PTCHD4: variants seen among roughly 807,000 people sequenced by gnomAD.
PTCHD4 encodes the protein patched domain containing 4.
PTCHD4 carries 33 observed loss-of-function variants against 58.1 expected under a neutral mutation model. That is an observed-to-expected ratio of 0.57 (90% confidence interval 0.43 to 0.76). The LOEUF is 0.76. PTCHD4 is among the 30% of genes least tolerant of loss of function. The pLI is 0.00. For synonymous variants in PTCHD4, 478 were observed against 409.6 expected, an observed-to-expected ratio of 1.17 and a Z score of -2.02; for missense variants, 1,058 against 1,027.1, an observed-to-expected ratio of 1.03 and a Z score of -0.41.
At chr6:47,898,099 C>T (rs988664796) in intron 4 of PTCHD4, among the ~76,000 whole-genome samples, 2 of 151,692 alleles carry the variant, frequency 1.3e-5, no homozygotes, top group Admixed American at 6.6e-5. Flanking sequence ...CGTGTGCCAC[C>T]ACACCCGGCT....
intron 3 of PTCHD4, among the ~76,000 whole-genome samples, chr6:48,031,908 G>A (rs1017777510): frequency 2.6e-5 from 4 of 152,056 alleles, no homozygotes; most frequent in Admixed American, 1.3e-4. Context: ...GTTTTCAGTC[G>A]GAATATGTTT....
chr6:48,078,443 A>G (rs1009144251), intron 1 of PTCHD4, among the ~76,000 whole-genome samples: 1 of 152,226 alleles, frequency 6.6e-6, no homozygotes, highest in African/African-American at 2.4e-5. Context: ...AAATTATAGT[A>G]TGGTGCAGAG....
intron 1 of PTCHD4, among the ~76,000 whole-genome samples, chr6:48,102,398 G>A (rs1309200379): frequency 6.6e-6 from 1 of 152,138 alleles, no homozygotes; most frequent in Non-Finnish European, 1.5e-5. Context: ...TAGTGTTCTC[G>A]AGTTTCAGCC....
chr6:48,001,253 C>G (rs1007727965), intron 4 of PTCHD4, among the ~76,000 whole-genome samples: 1 of 152,186 alleles, frequency 6.6e-6, no homozygotes, highest in Non-Finnish European at 1.5e-5. Context: ...TTGGAGAAAA[C>G]TACTTTAAAG....
intron 4 of PTCHD4, among the ~76,000 whole-genome samples, chr6:47,929,923 C>T (rs1408613734): frequency 6.6e-6 from 1 of 152,346 alleles, no homozygotes; most frequent in African/African-American, 2.4e-5. Flanking sequence ...GAAGCAGTGA[C>T]ACCTGCTCTT....
At chr6:48,013,562 G>A (rs1363624556) in intron 3 of PTCHD4, among the ~76,000 whole-genome samples, 2 of 151,704 alleles carry the variant, frequency 1.3e-5, no homozygotes, top group African/African-American at 2.4e-5. Context: ...AAGGAGGCGG[G>A]GATCTCATCC....
chr6:47,880,243 T>TTTCCCCTGAAC (rs1215954306), intron 4 of PTCHD4, among the ~76,000 whole-genome samples: 1 of 152,190 alleles, frequency 6.6e-6, no homozygotes, highest in Non-Finnish European at 1.5e-5. Flanking sequence ...TGAACACATA[T>TTTCCCCTGAAC]TGTCTTCCTA....
At chr6:48,072,014 T>C (rs1046863204) in intron 1 of PTCHD4, among the ~76,000 whole-genome samples, 1 of 152,222 alleles carries the variant, frequency 6.6e-6, no homozygotes, top group Non-Finnish European at 1.5e-5. Flanking sequence ...AAGTGACTTA[T>C]CACTGTTGAT....
At chr6:48,002,502 C>G (rs1339221346) in intron 4 of PTCHD4, among the ~76,000 whole-genome samples, 1 of 151,528 alleles carries the variant, frequency 6.6e-6, no homozygotes, top group Non-Finnish European at 1.5e-5. Flanking sequence ...AGCAAACTAT[C>G]ACAAGGACAA....
At chr6:47,973,330 A>C (rs1380581956) in intron 4 of PTCHD4, among the ~76,000 whole-genome samples, 1 of 152,242 alleles carries the variant, frequency 6.6e-6, no homozygotes, top group Non-Finnish European at 1.5e-5. Flanking sequence ...ACATTCAAAC[A>C]AGTACCCAAA....
intron 1 of PTCHD4, among the ~76,000 whole-genome samples, chr6:48,090,396 C>T (rs1343342849): frequency 6.6e-6 from 1 of 152,124 alleles, no homozygotes; most frequent in African/African-American, 2.4e-5. Flanking sequence ...ATCTGCCGAA[C>T]ATTTTACTTA....
Position 48,070,232 on chromosome 6 carries a change from G to C in PTCHD4, c.-969-306C>G, listed in dbSNP as rs150066379. Among the ~76,000 whole-genome samples, 408 of 151,868 alleles carry C rather than the reference G, an allele frequency of 2.7e-3. 2 individuals are homozygous for C. Among genetic ancestry groups the C allele is most frequent in the African/African-American group, 8.4e-3 (349 of 41,378 alleles). ...TGGAGATTTGCTTTCCAAAGTTTCT[G>C]TTCTTTTTGGAATGACTTCATAGAA... On this transcript the variant is annotated intron_variant, in intron 1 of 4. Coordinates refer to ENST00000339488, the MANE Select transcript of PTCHD4 (RefSeq NM_001384253.1).
rs537052018 is a variant in PTCHD4 at position 47,987,576 on chromosome 6, G to A, written c.898+21058C>T. Among the ~76,000 whole-genome samples, 25 of 152,116 alleles carry A rather than the reference G, an allele frequency of 1.6e-4. No homozygotes were observed. In the East Asian group the frequency reaches 4.6e-3, roughly 28 times the overall value. ...AAAATAAACACATAGATACACTAAAGGGCCATTTCTGAATGTGCTAATTCC... is the reference window on the plus strand; with the variant it reads ...AAAATAAACACATAGATACACTAAAAGGCCATTTCTGAATGTGCTAATTCC... On this transcript the variant is annotated intron_variant, in intron 4 of 4. Transcript: ENST00000339488.
At chr6:48,041,594 T>G (rs1211687775) in intron 3 of PTCHD4, among the ~76,000 whole-genome samples, 1 of 152,024 alleles carries the variant, frequency 6.6e-6, no homozygotes, top group Non-Finnish European at 1.5e-5. Flanking sequence ...CGCAGTTATG[T>G]GCAAATTTCC....
At chr6:47,974,481 A>T (rs1767621591) in intron 4 of PTCHD4, among the ~76,000 whole-genome samples, 1 of 152,114 alleles carries the variant, frequency 6.6e-6, no homozygotes, top group African/African-American at 2.4e-5. Context: ...TCTCAACCTT[A>T]ACAATACTGA....
At chr6:48,027,276 A>C (rs1031631355) in intron 3 of PTCHD4, among the ~76,000 whole-genome samples, 1 of 152,126 alleles carries the variant, frequency 6.6e-6, no homozygotes, top group African/African-American at 2.4e-5. Flanking sequence ...CATAAAAACT[A>C]ACCCAAATGT....
At chr6:48,110,048 G>A (rs556765348) in intron 1 of PTCHD4, among the ~76,000 whole-genome samples, 6 of 152,106 alleles carry the variant, frequency 3.9e-5, no homozygotes, top group Non-Finnish European at 7.4e-5. Flanking sequence ...ACACAGCACG[G>A]AGGTTCCTTA....
At chr6:47,947,211 A>G (rs934283798) in intron 4 of PTCHD4, among the ~76,000 whole-genome samples, 1 of 152,112 alleles carries the variant, frequency 6.6e-6, no homozygotes, top group African/African-American at 2.4e-5. Flanking sequence ...AAGTTTATCA[A>G]TATTTTCACC....
chr6:47,961,672 C>A (rs906073087), intron 4 of PTCHD4, among the ~76,000 whole-genome samples: 2 of 152,094 alleles, frequency 1.3e-5, no homozygotes, highest in African/African-American at 4.8e-5. Context: ...TTAGTCAATG[C>A]ACTCCTGGCT....
Sources: allele counts gnomAD v4.1 joint callset (sites outside exome capture counted in the v4.1 genomes callset), GRCh38; gene constraint gnomAD v4.1.1; transcripts MANE v1.5; gene names NCBI Gene and HGNC (gene_info 2026-07-23, HGNC 2026-07-21).